RNF138: variants seen among roughly 807,000 people sequenced by gnomAD.
The protein encoded by RNF138 is ring finger protein 138.
Under a neutral mutation model 31.0 loss-of-function variants are expected in RNF138, and 12 were observed. That is an observed-to-expected ratio of 0.39 (90% confidence interval 0.25 to 0.63). The LOEUF is 0.63. Ranked by LOEUF, RNF138 falls within the 20% of genes least tolerant of loss-of-function variation. The pLI, the probability that RNF138 is intolerant of heterozygous loss-of-function variation, is 0.52. For synonymous variants in RNF138, 105 were observed against 99.5 expected, an observed-to-expected ratio of 1.06 and a Z score of -0.33; for missense variants, 192 against 300.1, an observed-to-expected ratio of 0.64 and a Z score of 2.66.
intron 2 of RNF138, among the ~76,000 whole-genome samples, chr18:32,108,551 ATTAG>A (rs1389154625): frequency 2.6e-5 from 4 of 152,302 alleles, no homozygotes; most frequent in African/African-American, 9.6e-5. Context: ...ATATACCATA[ATTAG>A]TTATGCATTC....
rs149664013 is a variant in RNF138, at chr18:32,128,311, G to A, written c.670-808G>A. 2.7e-3 allele frequency among the ~76,000 whole-genome samples: 406 copies of A among 152,340 alleles called. 2 individuals carry two copies. The highest frequency in any genetic ancestry group is 4.9e-3 in the Non-Finnish European group (333 of 68,026). Reference sequence around the variant, plus strand: ...CCAGTACTGTGGGAGGCCGAGGCGGGTGGATCACCTGAGGTCAGCAGTTCA... The same window carrying A: ...CCAGTACTGTGGGAGGCCGAGGCGGATGGATCACCTGAGGTCAGCAGTTCA... On this transcript the variant is annotated intron_variant, in intron 7 of 7. Coordinates refer to ENST00000261593, the MANE Select transcript of RNF138 (RefSeq NM_016271.5).
rs1264931099 is a variant in RNF138 at position 32,092,880 on chromosome 18, A to G, written c.104A>G (p.Gln35Arg). 2 of 1,555,708 alleles carry G rather than the reference A, an allele frequency of 1.3e-6. No individual in the cohort carries two copies. Among genetic ancestry groups the G allele is most frequent in the African/African-American group, 1.4e-5 (1 of 72,454 alleles). Residue 35 changes from glutamine (Q) to arginine (R), a missense_variant, in exon 2 of 8, where the codon CAG (glutamine) becomes CGG (arginine). Around this residue, in one of 2 missense-constraint regions of RNF138, gnomAD observed 52 missense variants for 48.4 expected, o/e 1.07. Coordinates refer to ENST00000261593, the MANE Select transcript of RNF138 (RefSeq NM_016271.5). ...ACGCCCGTGCGGACCACGGCCTGTC[A>G]GCACGTGTGAGTAGACGCCCCCTCC... Reference protein sequence around the residue: ...LKTPVRTTACQHVFCRKCFLT... With the variant: ...LKTPVRTTACRHVFCRKCFLT...
At chr18:32,113,031 A>G (rs572520004) in intron 3 of RNF138, among the ~76,000 whole-genome samples, 1 of 152,194 alleles carries the variant, frequency 6.6e-6, no homozygotes, top group Non-Finnish European at 1.5e-5. Flanking sequence ...GATTCTGGCT[A>G]TTCCTCTCAG....
Position 32,101,232 on chromosome 18 carries a change from A to ATTT in RNF138, c.110+8346_110+8347insTTT, listed in dbSNP as rs2039934040. Among the ~76,000 whole-genome samples, 34 of 117,766 alleles carry ATTT rather than the reference A, an allele frequency of 2.9e-4. No homozygotes were observed. In the South Asian group the frequency reaches 8.5e-3, roughly 30 times the overall value. The allele number at this position is 117,766 out of a possible 152,430, so 77.3% of individuals were successfully genotyped here. A position where few individuals can be genotyped will look rare whatever the true frequency, so the allele number is the denominator to read the frequency against. On this transcript the variant is annotated intron_variant, in intron 2 of 7. Coordinates refer to ENST00000261593, the MANE Select transcript of RNF138 (RefSeq NM_016271.5). ...TAGGTTTCTTTTTTTTTTTTTTTTC[A>ATTT]AAGACAGAGTCTGGCTCTGTTGTCC...
intron 2 of RNF138, among the ~76,000 whole-genome samples, chr18:32,109,060 GT>G (rs1470715610): frequency 6.6e-6 from 1 of 151,952 alleles, no homozygotes; most frequent in Non-Finnish European, 1.5e-5. Context: ...GGTTGTAAAA[GT>G]TTATACTCCC....
chr18:32,111,276 C>T (rs530629458), intron 2 of RNF138, among the ~76,000 whole-genome samples: 20 of 152,218 alleles, frequency 1.3e-4, no homozygotes, highest in African/African-American at 4.6e-4. Flanking sequence ...TTGTAGTAGA[C>T]CTGTTTATGT....
chr18:32,092,682 C>G lies in RNF138; in HGVS notation c.-77-18C>G, dbSNP rs950226556. ...TGTATCCTGATGCGATCCCCCTCCCCCCTCCGGGTTCATGTAGGGAGTCGG... is the reference window on the plus strand; with the variant it reads ...TGTATCCTGATGCGATCCCCCTCCCGCCTCCGGGTTCATGTAGGGAGTCGG... On this transcript the variant is annotated intron_variant, in intron 1 of 7. Coordinates refer to ENST00000261593, the MANE Select transcript of RNF138 (RefSeq NM_016271.5). 1.4e-6 allele frequency: 1 copy of G among 731,064 alleles called. No individual in the cohort carries two copies. The highest frequency in any genetic ancestry group is 2.4e-6 in the Non-Finnish European group (1 of 415,864). 45.3% of individuals were successfully genotyped at this position (731,064 alleles called of 1,614,324 possible).
At chr18:32,104,013 C>CTT (rs745696010) in intron 2 of RNF138, among the ~76,000 whole-genome samples, 19,966 of 130,564 alleles carry the variant, frequency 0.15, 1,592 homozygotes, top group South Asian at 0.19. Flanking sequence ...GGCTAAAAAA[C>CTT]TTTTTTTTTT....
chr18:32,121,125 G>T (rs558147652), intron 4 of RNF138, among the ~76,000 whole-genome samples: 239 of 128,838 alleles, frequency 1.9e-3, no homozygotes, highest in African/African-American at 6.3e-3. Flanking sequence ...ACAAGAGTGA[G>T]ACTGTCTCAA....
intron 4 of RNF138, among the ~76,000 whole-genome samples, chr18:32,114,768 A>G (rs530409832): frequency 6.6e-6 from 1 of 152,342 alleles, no homozygotes; most frequent in African/African-American, 2.4e-5. Flanking sequence ...ATTTTATTTT[A>G]GTAGCCTTTC....
chr18:32,104,037 A>C (rs2039987658), intron 2 of RNF138, among the ~76,000 whole-genome samples: 1 of 137,996 alleles, frequency 7.2e-6, no homozygotes, highest in Admixed American at 7.5e-5. Context: ...TTTTGGAGGC[A>C]GAGTCTAGTT....
At chr18:32,099,235 T>C (rs911491049) in intron 2 of RNF138, among the ~76,000 whole-genome samples, 1 of 152,192 alleles carries the variant, frequency 6.6e-6, no homozygotes, top group African/African-American at 2.4e-5. Context: ...TCTTGATTTG[T>C]ACCTTTTTCC....
chr18:32,109,157 C>CTTTTTT (rs200179767), intron 2 of RNF138, among the ~76,000 whole-genome samples: 2 of 143,196 alleles, frequency 1.4e-5, no homozygotes, highest in African/African-American at 5.1e-5. Flanking sequence ...CTTTTTCTTT[C>CTTTTTT]TTTTTTTTTT....
rs748454038 is a variant in RNF138, at chr18:32,126,752, C to T, written c.621C>T (p.Phe207=). ...WGDPSQITRN[F]VSHLNQRHQF... is the part of the protein sequence containing the mutation. Reference sequence around the variant, plus strand: ...ATCCTAGCCAGATTACCAGAAATTTCGTTAGTCATCTAAATCAGAGACATC... The same window carrying T: ...ATCCTAGCCAGATTACCAGAAATTTTGTTAGTCATCTAAATCAGAGACATC... The change falls in exon 7 of 8, where the codon TTC becomes TTT. Residue 207 remains phenylalanine, a synonymous_variant. Transcript: ENST00000261593. 18 of 1,607,292 alleles carry T rather than the reference C, an allele frequency of 1.1e-5. No homozygotes were observed. Among genetic ancestry groups the T allele is most frequent in the Admixed American group, 3.3e-5 (2 of 59,960 alleles).
intron 7 of RNF138, among the ~76,000 whole-genome samples, chr18:32,127,327 T>C (rs1471481624): frequency 6.6e-6 from 1 of 152,180 alleles, no homozygotes; most frequent in African/African-American, 2.4e-5. Context: ...GCAAAATGGA[T>C]TAATTTGTAC....
chr18:32,095,802 C>T (rs148582385), intron 2 of RNF138, among the ~76,000 whole-genome samples: 250 of 152,334 alleles, frequency 1.6e-3, no homozygotes, highest in African/African-American at 5.5e-3. Context: ...TGCTCTTTGT[C>T]TGGTGCAGGG....
Position 32,131,277 on chromosome 18 carries a change from G to T in RNF138, c.*2090G>T, listed in dbSNP as rs1028775638. 1 of 151,958 alleles carries T rather than the reference G, an allele frequency of 6.6e-6. No individual in the cohort carries two copies. Among genetic ancestry groups the T allele is most frequent in the Non-Finnish European group, 1.5e-5 (1 of 67,930 alleles). 9.4% of individuals were successfully genotyped at this position (151,958 alleles called of 1,614,324 possible). A position where few individuals can be genotyped will look rare whatever the true frequency, so the allele number is the denominator to read the frequency against. The stretch of plus-strand genomic sequence containing the variant: ...TTTGCTTTTATCTGAGAATTTCTCA[G>T]TATGAAAATGATTGTTTAAAATTTC... On this transcript the variant is annotated 3_prime_UTR_variant, in exon 8 of 8. Transcript: ENST00000261593.
intron 2 of RNF138, among the ~76,000 whole-genome samples, chr18:32,103,840 C>T (rs987163188): frequency 1.5e-5 from 2 of 130,756 alleles, no homozygotes; most frequent in African/African-American, 5.9e-5. Context: ...GTGGCGGGCA[C>T]CTGTAGTCCC....
Position 32,092,619 on chromosome 18 carries a change from C to T in RNF138, c.-77-81C>T, listed in dbSNP as rs531455941. 8.4e-5 allele frequency: 52 copies of T among 619,938 alleles called. 1 individual carries two copies. The highest frequency in any genetic ancestry group is 8.1e-4 in the South Asian group (45 of 55,676). The allele number at this position is 619,938 out of a possible 1,614,324, so 38.4% of individuals were successfully genotyped here. A position where few individuals can be genotyped will look rare whatever the true frequency, so the allele number is the denominator to read the frequency against. ...GCAGTAGCGTCTCTGCGTTCGGCCCCGCCCTACCCAGGGCCCCGCCCCCTT... is the reference window on the plus strand; with the variant it reads ...GCAGTAGCGTCTCTGCGTTCGGCCCTGCCCTACCCAGGGCCCCGCCCCCTT... On this transcript the variant is annotated intron_variant, in intron 1 of 7. Coordinates refer to ENST00000261593, the MANE Select transcript of RNF138 (RefSeq NM_016271.5).
Sources: allele counts gnomAD v4.1 joint callset (sites outside exome capture counted in the v4.1 genomes callset), GRCh38; gene constraint gnomAD v4.1.1; regional missense constraint gnomAD v4.1.1; transcripts MANE v1.5; gene names NCBI Gene and HGNC (gene_info 2026-07-23, HGNC 2026-07-21).